HDHD2: variants seen among roughly 807,000 people sequenced by gnomAD.
HDHD2 encodes haloacid dehalogenase-like hydrolase domain-containing protein 2.
A neutral mutation model predicts 24.8 loss-of-function variants in HDHD2; 26 were observed. The observed-to-expected ratio is 1.05, with a 90% CI of 0.77 to 1.45. The LOEUF (loss-of-function observed/expected upper bound fraction) is 1.45. HDHD2 is among the 40% of genes most tolerant of loss of function. HDHD2 has a pLI of 0.00. For missense variants in HDHD2, 299 were observed against 313.4 expected, an observed-to-expected ratio of 0.95 and a Z score of 0.35; for synonymous variants, 128 against 114.9, an observed-to-expected ratio of 1.11 and a Z score of -0.73.
intron 1 of HDHD2, among the ~76,000 whole-genome samples, chr18:47,145,629 A>C (rs1052859196): frequency 2.6e-5 from 4 of 152,218 alleles, no homozygotes; most frequent in African/African-American, 9.6e-5. Flanking sequence ...TTCTTTTCCA[A>C]GGAGATTAAA....
At chr18:47,146,589 T>C (rs1261916305) in intron 1 of HDHD2, among the ~76,000 whole-genome samples, 3 of 152,008 alleles carry the variant, frequency 2.0e-5, no homozygotes, top group Non-Finnish European at 2.9e-5. Flanking sequence ...ATGGAAACAA[T>C]ACAAATGTCC....
chr18:47,126,586 A>T (rs899980277), intron 4 of HDHD2, among the ~76,000 whole-genome samples: 2 of 152,200 alleles, frequency 1.3e-5, no homozygotes, highest in East Asian at 3.8e-4. Context: ...CAAATACATT[A>T]TTCTTAAAAA....
intron 5 of HDHD2, among the ~76,000 whole-genome samples, chr18:47,114,471 A>C (rs2063541018): frequency 1.3e-5 from 2 of 152,192 alleles, no homozygotes; most frequent in African/African-American, 2.4e-5. Flanking sequence ...TTGAAATATA[A>C]TCCTGGCCAC....
chr18:47,134,107 T>C (rs913772268), intron 3 of HDHD2, among the ~76,000 whole-genome samples: 7 of 152,218 alleles, frequency 4.6e-5, no homozygotes, highest in Non-Finnish European at 8.8e-5. Context: ...TTTATGGTTT[T>C]ATGATCTGTG....
At position 47,112,943 on chromosome 18, in the gene HDHD2, G is replaced by A. The variant is rs186439977; in HGVS notation, c.676+34C>T. 545 of 1,567,834 alleles carry A rather than the reference G, an allele frequency of 3.5e-4. No individual in the cohort carries two copies. The Middle Eastern group carries it at 5.0e-3, about 14-fold the overall frequency. On this transcript the variant is annotated intron_variant, in intron 6 of 6. Coordinates refer to ENST00000300605, the MANE Select transcript of HDHD2 (RefSeq NM_032124.5). Reference sequence around the variant, plus strand: ...AAGCAACTGTGTATTCTACTATTCTGTTTTAGAAAATGCTTTATACAGAAG... The same window carrying A: ...AAGCAACTGTGTATTCTACTATTCTATTTTAGAAAATGCTTTATACAGAAG...
At chr18:47,139,423 C>G (rs1166072082) in intron 1 of HDHD2, among the ~76,000 whole-genome samples, 1 of 138,862 alleles carries the variant, frequency 7.2e-6, no homozygotes, top group Non-Finnish European at 1.5e-5. Flanking sequence ...CAAGATCGTG[C>G]CACTGCACTC....
At chr18:47,125,484 AC>A (rs1325598174) in intron 4 of HDHD2, among the ~76,000 whole-genome samples, 2 of 152,222 alleles carry the variant, frequency 1.3e-5, no homozygotes, top group East Asian at 3.8e-4. Flanking sequence ...ACTGGAAGCA[AC>A]CCATGTCCAT....
intron 6 of HDHD2, chr18:47,110,647 G>C (rs1019054895): frequency 2.0e-6 from 2 of 984,650 alleles, no homozygotes; most frequent in South Asian, 9.4e-5. Flanking sequence ...GCACACAGCA[G>C]GGGCTCAATA....
rs377362418 is a variant in HDHD2 at position 47,136,375 on chromosome 18, T to A, written c.65A>T (p.Asp22Val). 6.2e-7 allele frequency: 1 copy of A among 1,613,470 alleles called. No individual in the cohort carries two copies. ...TTCCTGTGCGCCTGGCACAGCTGCA[T>A]CTTCAATGTGAAGTGTGCCACTGAG... ...VDLSGTLHIEDAAVPGAQEAL... is the reference protein window; with the variant it reads ...VDLSGTLHIEVAAVPGAQEAL... The change falls in exon 2 of 7, where the codon GAT (aspartate) becomes GTT (valine). Residue 22 changes from aspartate to valine, a missense_variant. Physicochemically the swap from Asp to Val is radical, Grantham distance 152. Transcript: ENST00000300605.
chr18:47,123,743 G>A (rs1297780789), intron 4 of HDHD2, among the ~76,000 whole-genome samples: 2 of 151,966 alleles, frequency 1.3e-5, no homozygotes, highest in African/African-American at 2.4e-5. Context: ...AAACTAAATA[G>A]AGATACATTT....
At chr18:47,123,944 C>G (rs1050958553) in intron 4 of HDHD2, among the ~76,000 whole-genome samples, 1 of 152,122 alleles carries the variant, frequency 6.6e-6, no homozygotes, top group Non-Finnish European at 1.5e-5. Flanking sequence ...AGGATGTACA[C>G]TACCAGATAT....
chr18:47,145,388 G>C (rs577244249), intron 1 of HDHD2, among the ~76,000 whole-genome samples: 1 of 152,194 alleles, frequency 6.6e-6, no homozygotes, highest in Non-Finnish European at 1.5e-5. Flanking sequence ...ATGAGGTCTT[G>C]TAATTAATTA....
chr18:47,118,828 T>C (rs2063578826), intron 4 of HDHD2, among the ~76,000 whole-genome samples: 1 of 152,192 alleles, frequency 6.6e-6, no homozygotes, highest in Non-Finnish European at 1.5e-5. Flanking sequence ...TCTGAGATGC[T>C]GGCACCAATC....
At chr18:47,114,351 G>T (rs1429188376) in intron 5 of HDHD2, among the ~76,000 whole-genome samples, 1 of 152,174 alleles carries the variant, frequency 6.6e-6, no homozygotes, top group African/African-American at 2.4e-5. Flanking sequence ...GGGAATTCAG[G>T]CTTGGTGATT....
chr18:47,134,093 G>T (rs2063739789), intron 3 of HDHD2, among the ~76,000 whole-genome samples: 1 of 152,082 alleles, frequency 6.6e-6, no homozygotes, highest in Non-Finnish European at 1.5e-5. Flanking sequence ...TTTCTTCTAG[G>T]GTTTTTATGG....
Position 47,145,962 on chromosome 18 carries a change from T to G in HDHD2, c.-11+4416A>C, listed in dbSNP as rs181384893. 3.3e-5 allele frequency among the ~76,000 whole-genome samples: 5 copies of G among 152,190 alleles called. 1 individual carries two copies. Among genetic ancestry groups the G allele is most frequent in the African/African-American group, 1.2e-4 (5 of 41,532 alleles). On this transcript the variant is annotated intron_variant, in intron 1 of 6. Transcript: ENST00000300605. ...AAAGAGCAAATCTGGCCGGGCACAG[T>G]GGCTCATGTCTGTAATCTCAGCAGT...
intron 4 of HDHD2, among the ~76,000 whole-genome samples, chr18:47,116,931 C>G (rs948208547): frequency 2.6e-5 from 4 of 152,182 alleles, no homozygotes; most frequent in Non-Finnish European, 5.9e-5. Flanking sequence ...AATTCCCAGG[C>G]AGTACTTTAG....
intron 6 of HDHD2, chr18:47,110,371 A>G: frequency 1.0e-6 from 1 of 985,440 alleles, no homozygotes; most frequent in Non-Finnish European, 1.2e-6. Flanking sequence ...TCCCCGCAGC[A>G]AGCTCTACTG....
intron 4 of HDHD2, among the ~76,000 whole-genome samples, chr18:47,117,212 T>C (rs904642780): frequency 3.9e-5 from 6 of 152,152 alleles, no homozygotes; most frequent in African/African-American, 1.4e-4. Context: ...CCCCAATACT[T>C]GGAGTATTTT....
Sources: gnomAD v4.1 joint callset for allele counts (sites outside exome capture counted in the v4.1 genomes callset) on GRCh38, gnomAD v4.1.1 for gene constraint, MANE v1.5 for transcripts, NCBI Gene and HGNC (gene_info 2026-07-23, HGNC 2026-07-21) for gene names.